Variants in RNF115 observed in about 807,000 individuals in gnomAD.
RNF115 encodes E3 ubiquitin-protein ligase RNF115.
In RNF115, 31 loss-of-function variants were observed where a neutral mutation model predicts 39.2. The observed-to-expected ratio is 0.79, with a 90% CI of 0.59 to 1.07. RNF115 has a LOEUF of 1.07. Among genes scored for constraint, RNF115 ranks in the 50% least tolerant of loss-of-function variants. The probability of loss-of-function intolerance (pLI) is 0.00; values close to 1 mark genes in which losing one functional copy is unlikely to be tolerated. For synonymous variants in RNF115, 124 were observed against 131.0 expected (o/e 0.95, Z 0.37); for missense variants, 384 against 381.7 (o/e 1.01, Z -0.05).
intron 1 of RNF115, among the ~76,000 whole-genome samples, chr1:145,794,611 T>A (rs1648856177): frequency 6.9e-6 from 1 of 145,668 alleles, no homozygotes. Context: ...CCACTTCACA[T>A]GGTCCCAGTC....
At chr1:145,789,064 T>A in intron 1 of RNF115, 98 bp from the exon 2 acceptor site, 1 of 749,698 alleles carries the variant, frequency 1.3e-6, no homozygotes, top group Non-Finnish European at 2.2e-6. Context: ...GCTGAGGCTC[T>A]GAAATGTTCT....
At chr1:145,794,581 A>T (rs1553719584) in intron 1 of RNF115, among the ~76,000 whole-genome samples, 4 of 125,314 alleles carry the variant, frequency 3.2e-5, no homozygotes, top group Non-Finnish European at 6.2e-5. Context: ...GCGATCTCCT[A>T]TTGGAATCAT....
chr1:145,770,731 C>T (rs1553715623), intron 4 of RNF115, among the ~76,000 whole-genome samples: 3 of 152,124 alleles, frequency 2.0e-5, no homozygotes, highest in Non-Finnish European at 4.4e-5. Context: ...AATTAAACAA[C>T]ATAAAGCAGA....
At chr1:145,813,079 G>A (rs1473449272) in intron 1 of RNF115, among the ~76,000 whole-genome samples, 6 of 149,682 alleles carry the variant, frequency 4.0e-5, no homozygotes, top group African/African-American at 9.8e-5. Flanking sequence ...TACGGTAATG[G>A]CCCTATTTCT....
At chr1:145,762,706 G>C (rs1553714035) in intron 4 of RNF115, among the ~76,000 whole-genome samples, 1 of 151,376 alleles carries the variant, frequency 6.6e-6, no homozygotes, top group Non-Finnish European at 1.5e-5. Context: ...ACCAAAAAAA[G>C]TCAGTTCTCA....
chr1:145,752,583 C>A (rs1195795533), intron 5 of RNF115, among the ~76,000 whole-genome samples: 2 of 60,444 alleles, frequency 3.3e-5, no homozygotes, highest in African/African-American at 2.6e-4. Flanking sequence ...ACCTATGCAG[C>A]TCTTTTTTTT....
chr1:145,785,836 A>T (rs1263147040), intron 2 of RNF115, among the ~76,000 whole-genome samples: 1 of 152,212 alleles, frequency 6.6e-6, no homozygotes, highest in Non-Finnish European at 1.5e-5. Context: ...TACCTGCATT[A>T]ATTTCAGAAA....
Position 145,745,459 on chromosome 1 carries a change from ATT to A in RNF115, c.*1405_*1406del, listed in dbSNP as rs111376607. On this transcript the variant is annotated 3_prime_UTR_variant, in exon 9 of 9. Transcript: ENST00000582693. ...AAACAAAAAAAGCAGTGAGTTGGGGATTTTTTTTTTTTTTTTGAGATGGAGTT... is the reference window on the plus strand; with the variant it reads ...AAACAAAAAAAGCAGTGAGTTGGGGATTTTTTTTTTTTTTGAGATGGAGTT... 2.0e-4 allele frequency: 28 copies of A among 138,606 alleles called. No homozygotes were observed. The highest frequency in any genetic ancestry group is 2.5e-4 in the Non-Finnish European group (16 of 64,686). The allele number at this position is 138,606 out of a possible 1,614,324, so 8.6% of individuals were successfully genotyped here. A position where few individuals can be genotyped will look rare whatever the true frequency, so the allele number is the denominator to read the frequency against.
intron 7 of RNF115, among the ~76,000 whole-genome samples, chr1:145,749,643 T>C (rs1186813692): frequency 6.6e-6 from 1 of 152,192 alleles, no homozygotes; most frequent in African/African-American, 2.4e-5. Context: ...TCTGTTAGCA[T>C]TGTCACCATC....
chr1:145,796,075 T>C (rs587687975), intron 1 of RNF115, among the ~76,000 whole-genome samples: 47 of 152,340 alleles, frequency 3.1e-4, no homozygotes, highest in African/African-American at 1.1e-3. Context: ...TCTTAGATAC[T>C]TGGAAACCCC....
intron 4 of RNF115, among the ~76,000 whole-genome samples, chr1:145,767,541 C>G (rs1647398098): frequency 6.6e-6 from 1 of 152,198 alleles, no homozygotes; most frequent in Non-Finnish European, 1.5e-5. Flanking sequence ...GGCGGCCAGG[C>G]AGAGACGCTC....
intron 4 of RNF115, among the ~76,000 whole-genome samples, chr1:145,762,594 A>G (rs144559128): frequency 1.3e-5 from 2 of 152,292 alleles, no homozygotes; most frequent in African/African-American, 4.8e-5. Context: ...AAAAAGGTCT[A>G]CAAGATTATA....
chr1:145,757,071 G>C (rs782380580), intron 4 of RNF115, among the ~76,000 whole-genome samples: 11 of 151,922 alleles, frequency 7.2e-5, no homozygotes, highest in Non-Finnish European at 1.5e-4. Flanking sequence ...TCTGACCTCA[G>C]GTGATCCTCC....
intron 1 of RNF115, among the ~76,000 whole-genome samples, chr1:145,805,629 G>C (rs944512892): frequency 1.3e-5 from 2 of 152,040 alleles, no homozygotes; most frequent in African/African-American, 4.8e-5. Context: ...ACTCATAAAG[G>C]AGATTATTTC....
intron 4 of RNF115, among the ~76,000 whole-genome samples, chr1:145,763,382 A>C (rs1490701094): frequency 6.6e-6 from 1 of 152,172 alleles, no homozygotes; most frequent in East Asian, 1.9e-4. Flanking sequence ...GTAACAAAAA[A>C]ACAAAAGAGT....
At chr1:145,776,920 C>T (rs1030122923) in intron 3 of RNF115, among the ~76,000 whole-genome samples, 4 of 152,172 alleles carry the variant, frequency 2.6e-5, no homozygotes, top group Non-Finnish European at 5.9e-5. Context: ...TCAAATCTGC[C>T]TTATTTCCCT....
At chr1:145,770,582 C>T (rs1172525447) in intron 4 of RNF115, among the ~76,000 whole-genome samples, 1 of 152,102 alleles carries the variant, frequency 6.6e-6, no homozygotes, top group African/African-American at 2.4e-5. Context: ...TAGCAGCTAC[C>T]ATATAAGACA....
chr1:145,793,653 G>A (rs961468543), intron 1 of RNF115, among the ~76,000 whole-genome samples: 16 of 151,400 alleles, frequency 1.1e-4, no homozygotes, highest in Admixed American at 2.6e-4. Context: ...CCCTCGAGAG[G>A]TGGCATATCA....
chr1:145,804,270 C>G (rs1649370510), intron 1 of RNF115, among the ~76,000 whole-genome samples: 1 of 152,154 alleles, frequency 6.6e-6, no homozygotes, highest in Admixed American at 6.5e-5. Context: ...TCATACTTCC[C>G]TTAACCATAT....
Sources: gnomAD v4.1 joint callset for allele counts (sites outside exome capture counted in the v4.1 genomes callset) on GRCh38, gnomAD v4.1.1 for gene constraint, MANE v1.5 for transcripts, NCBI Gene and HGNC (gene_info 2026-07-23, HGNC 2026-07-21) for gene names.